The following ASB3 variants were observed in gnomAD, a reference collection of about 807,000 sequenced individuals.
ASB3 encodes the protein ankyrin repeat and SOCS box containing 3, also known as ankyrin repeat and SOCS box protein 3.
ASB3 carries 41 observed loss-of-function variants against 54.5 expected under a neutral mutation model. The ratio of observed to expected loss-of-function variants is 0.75; its 90% CI spans 0.59 to 0.98. ASB3 has a LOEUF of 0.98. Among genes scored for constraint, ASB3 ranks in the 50% least tolerant of loss-of-function variants. The pLI, the probability that ASB3 is intolerant of heterozygous loss-of-function variation, is 0.00. For synonymous variants in ASB3, 266 were observed against 221.2 expected (o/e 1.20, Z -1.80); for missense variants, 733 against 620.0 (o/e 1.18, Z -1.94).
At chr2:53,712,754 AC>A (rs2103826341) in intron 7 of ASB3, among the ~76,000 whole-genome samples, 1 of 151,984 alleles carries the variant, frequency 6.6e-6, no homozygotes, top group East Asian at 1.9e-4. Context: ...GAACACACAC[AC>A]ACACACACAC....
At chr2:53,761,602 C>A (rs920610763) in intron 2 of ASB3, among the ~76,000 whole-genome samples, 1 of 152,186 alleles carries the variant, frequency 6.6e-6, no homozygotes, top group Non-Finnish European at 1.5e-5. Context: ...TACACTATCA[C>A]TTCCCCTGGT....
At chr2:53,775,337 A>G (rs1212369800) in intron 1 of ASB3, 1 of 150,366 alleles carries the variant, frequency 6.7e-6, no homozygotes, top group African/African-American at 2.4e-5. Flanking sequence ...CACTATCTCA[A>G]TTTGTGTGTG....
chr2:53,671,641 C>A (rs1447876380), intron 9 of ASB3, among the ~76,000 whole-genome samples: 1 of 152,020 alleles, frequency 6.6e-6, no homozygotes, highest in Non-Finnish European at 1.5e-5. Context: ...TGCCTGTAAT[C>A]CCACCTACTA....
chr2:53,782,009 T>A (rs990790942), intron 1 of ASB3, among the ~76,000 whole-genome samples: 3 of 151,734 alleles, frequency 2.0e-5, no homozygotes, highest in Admixed American at 2.0e-4. Flanking sequence ...AACCAAGAAT[T>A]CAAAAAATAA....
chr2:53,705,137 A>C (rs1669700963), intron 7 of ASB3, among the ~76,000 whole-genome samples: 1 of 152,218 alleles, frequency 6.6e-6, no homozygotes, highest in South Asian at 2.1e-4. Context: ...AGAATGAAAA[A>C]TAAAAAGACT....
At chr2:53,687,104 A>T (rs921866369) in intron 9 of ASB3, among the ~76,000 whole-genome samples, 1 of 152,210 alleles carries the variant, frequency 6.6e-6, no homozygotes, top group African/African-American at 2.4e-5. Context: ...AAATGTGAGT[A>T]CAACCCATTA....
At chr2:53,728,119 G>A (rs527905866) in intron 5 of ASB3, among the ~76,000 whole-genome samples, 2 of 152,114 alleles carry the variant, frequency 1.3e-5, no homozygotes, top group East Asian at 3.9e-4. Context: ...CTGGTGTTTG[G>A]GAGAGATTTA....
At chr2:53,721,996 A>G (rs1358699262) in intron 5 of ASB3, among the ~76,000 whole-genome samples, 1 of 152,098 alleles carries the variant, frequency 6.6e-6, no homozygotes, top group African/African-American at 2.4e-5. Context: ...CTGAAACAAC[A>G]AAGTTGACAT....
chr2:53,700,283 A>G lies in ASB3; in HGVS notation c.1226T>C (p.Leu409Pro), dbSNP rs1248070541. The G allele has an allele frequency of 3.1e-6, 5 of 1,613,358 alleles. No individual in the cohort carries two copies. Among genetic ancestry groups the G allele is most frequent in the African/African-American group, 1.3e-5 (1 of 74,898 alleles). The change falls in exon 8 of 10, where the codon CTG becomes CCG. Residue 409 changes from leucine (L) to proline (P), a missense_variant. Coordinates refer to ENST00000263634, the MANE Select transcript of ASB3 (RefSeq NM_016115.5). ...TAGAATTTCTTACCAAGAATTGCAC[A>G]GTAGAATCAGTGGGTCAAATCCAGC... is the stretch of plus-strand genomic sequence containing the variant. ...LVAGFDPLILLCNSWIDSVSI... is the reference protein window; with the variant it reads ...LVAGFDPLILPCNSWIDSVSI...
At chr2:53,677,194 C>A (rs1326939022) in intron 9 of ASB3, among the ~76,000 whole-genome samples, 1 of 152,198 alleles carries the variant, frequency 6.6e-6, no homozygotes, top group African/African-American at 2.4e-5. Flanking sequence ...GAGCAATAGG[C>A]TATACTATGT....
chr2:53,774,203 A>G, intron 1 of ASB3: 1 of 1,613,884 alleles, frequency 6.2e-7, no homozygotes. Context: ...GTAAAAGCAT[A>G]CCTTGACTTC....
chr2:53,767,701 A>C, intron 1 of ASB3: 1 of 669,558 alleles, frequency 1.5e-6, no homozygotes, highest in Non-Finnish European at 2.5e-6. Context: ...AGGAAATAAA[A>C]TAAAGCTGAC....
In ASB3 at chr2:53,714,446, T is replaced by C. The variant is rs1027906403; in HGVS notation, c.918A>G (p.Pro306=). The C allele has an allele frequency of 6.2e-7, 1 of 1,614,248 alleles. No homozygotes were observed. The highest frequency in any genetic ancestry group is 8.5e-7 in the Non-Finnish European group (1 of 1,180,028). The change falls in exon 7 of 10, where the codon CCA becomes CCG. Residue 306 remains proline, a synonymous_variant. Transcript: ENST00000263634. The stretch of plus-strand genomic sequence containing the variant: ...CAAAAACAAGGCACGCCTGGGCGTC[T>C]GGGCTGTAGCCATTCCGGAGTAATA... ...LEILLRNGYS[P]DAQACLVFGF... is the part of the protein sequence containing the mutation.
At chr2:53,722,176 TAA>T (rs751059931) in intron 5 of ASB3, among the ~76,000 whole-genome samples, 1 of 126,228 alleles carries the variant, frequency 7.9e-6, no homozygotes. Flanking sequence ...GAATCCATAA[TAA>T]AAAAAAAAAA....
At chr2:53,678,017 T>C (rs1184567852) in intron 9 of ASB3, among the ~76,000 whole-genome samples, 1 of 152,196 alleles carries the variant, frequency 6.6e-6, no homozygotes, top group Non-Finnish European at 1.5e-5. Context: ...TATTTTATTG[T>C]ATATATTTAA....
intron 1 of ASB3, chr2:53,768,210 C>T (rs1673630782): frequency 1.6e-6 from 1 of 636,260 alleles, no homozygotes; most frequent in Non-Finnish European, 2.6e-6. Context: ...CCGGGCACTC[C>T]TTCCGAAGCT....
intron 9 of ASB3, among the ~76,000 whole-genome samples, chr2:53,693,505 C>G (rs983040403): frequency 2.8e-4 from 43 of 152,080 alleles, no homozygotes; most frequent in African/African-American, 8.9e-4. Context: ...GAGAACATAA[C>G]TCCACAGACA....
intron 9 of ASB3, 99 bp from the exon 10 acceptor site, chr2:53,670,789 A>C (rs551838521): frequency 7.5e-7 from 1 of 1,329,450 alleles, no homozygotes; most frequent in African/African-American, 1.5e-5. Flanking sequence ...TAGTAATAAA[A>C]GTGATATATT....
intron 5 of ASB3, among the ~76,000 whole-genome samples, chr2:53,724,479 G>C (rs958604701): frequency 7.9e-5 from 12 of 151,876 alleles, no homozygotes; most frequent in Non-Finnish European, 1.8e-4. Context: ...CGTGCCTGTA[G>C]TCCCAGCTAC....
Sources: gnomAD v4.1 joint callset for allele counts (sites outside exome capture counted in the v4.1 genomes callset) on GRCh38, gnomAD v4.1.1 for gene constraint, MANE v1.5 for transcripts, NCBI Gene and HGNC (gene_info 2026-07-23, HGNC 2026-07-21) for gene names.